Variants in RIF1 observed in about 807,000 individuals in gnomAD.
The protein encoded by RIF1 is replication timing regulatory factor 1.
Under a neutral mutation model 247.1 loss-of-function variants are expected in RIF1, and 45 were observed. The ratio of observed to expected loss-of-function variants is 0.18; its 90% CI spans 0.14 to 0.23. The LOEUF (loss-of-function observed/expected upper bound fraction) is 0.23. Ranked by LOEUF, RIF1 falls within the 10% of genes least tolerant of loss-of-function variation. The probability of loss-of-function intolerance (pLI) is 1.00; values close to 1 mark genes in which losing one functional copy is unlikely to be tolerated. For synonymous variants in RIF1, 1,087 were observed against 978.8 expected (o/e 1.11, Z -2.06); for missense variants, 2,967 against 2,862.5 (o/e 1.04, Z -0.83).
rs377751674 is a variant in RIF1 at position 151,505,478 on chromosome 2, C to T, written c.*862-732C>T. On this transcript the variant is annotated intron_variant and NMD_transcript_variant, in intron 12 of 13. Transcript: ENST00000454583. Reference sequence around the variant, plus strand: ...TGGAAGCTGAGAGTATGGCCACTACCGAGCTAATGTGCTTCTGCGTCTCCT... The same window carrying T: ...TGGAAGCTGAGAGTATGGCCACTACTGAGCTAATGTGCTTCTGCGTCTCCT... 7.4e-6 allele frequency: 12 copies of T among 1,613,046 alleles called. No individual in the cohort carries two copies. Among genetic ancestry groups the T allele is most frequent in the East Asian group, 4.5e-5 (2 of 44,890 alleles).
chr2:151,452,571 A>AT (rs1411151669), intron 21 of RIF1, among the ~76,000 whole-genome samples: 1 of 152,230 alleles, frequency 6.6e-6, no homozygotes, highest in Non-Finnish European at 1.5e-5. Flanking sequence ...CCTGAAGTAT[A>AT]TTATAGGTCA....
At position 151,469,830 on chromosome 2, in the gene RIF1, T is replaced by C; in HGVS notation, c.7061T>C (p.Val2354Ala). The change falls in exon 34 of 36, where the codon GTA becomes GCA. Residue 2354 changes from valine to alanine, a missense_variant. Val to Ala is a moderately conservative substitution (Grantham distance 64, BLOSUM62 0). Transcript: ENST00000444746. ...ATCCGTTCTCCAAAAGTGTCCAATG[T>C]AAAAAAGGCTCTCAGAATATATCAT... ...LPIRSPKVSN[V>A]KKALRIYHEQ... 1 of 1,610,286 alleles carries C rather than the reference T, an allele frequency of 6.2e-7. No individual in the cohort carries two copies. The highest frequency in any genetic ancestry group is 8.5e-7 in the Non-Finnish European group (1 of 1,178,078).
At chr2:151,427,234 C>CA (rs1044726768) in intron 8 of RIF1, among the ~76,000 whole-genome samples, 2 of 150,646 alleles carry the variant, frequency 1.3e-5, no homozygotes, top group African/African-American at 4.9e-5. Flanking sequence ...TTTTTTGAGA[C>CA]AGAGTTTCAC....
intron 4 of RIF1, 146 bp from the exon 5 acceptor site, chr2:151,416,415 T>G: frequency 1.5e-6 from 1 of 684,944 alleles, no homozygotes; most frequent in Non-Finnish European, 2.3e-6. Context: ...GGGAGAAGTT[T>G]GGTATCAGCA....
chr2:151,494,507 A>G (rs528140737), intron 9 of RIF1, among the ~76,000 whole-genome samples: 1 of 152,174 alleles, frequency 6.6e-6, no homozygotes, highest in African/African-American at 2.4e-5. Context: ...AGGATGAGAA[A>G]CCACCATCAT....
chr2:151,458,147 A>T (rs1276483139), intron 24 of RIF1, among the ~76,000 whole-genome samples, 184 bp downstream of exon 24: 3 of 152,076 alleles, frequency 2.0e-5, no homozygotes, highest in Non-Finnish European at 4.4e-5. Context: ...GGTGCTTAGA[A>T]TAATCTTGAT....
At chr2:151,432,160 G>A (rs1690277025) in intron 9 of RIF1, among the ~76,000 whole-genome samples, 1 of 151,976 alleles carries the variant, frequency 6.6e-6, no homozygotes, top group Non-Finnish European at 1.5e-5. Flanking sequence ...AGGAGCCACC[G>A]CCATGCCTAG....
In RIF1 at chr2:151,468,740, A is replaced by G. The variant is rs1252166116; in HGVS notation, c.6925A>G (p.Ile2309Val). The change falls in exon 33 of 36, where the codon ATT becomes GTT. Residue 2309 changes from isoleucine to valine, a missense_variant. Transcript: ENST00000444746. Reference protein sequence around the residue: ...VAPVDIILPQITSNMWARGLG... With the variant: ...VAPVDIILPQVTSNMWARGLG... ...ACCAGTTGACATCATTTTACCTCAG[A>G]TTACATCAAACATGTGGTAAGTGGT... is the stretch of plus-strand genomic sequence containing the variant. 1 of 1,611,360 alleles carries G rather than the reference A, an allele frequency of 6.2e-7. No homozygotes were observed. Among genetic ancestry groups the G allele is most frequent in the Non-Finnish European group, 8.5e-7 (1 of 1,177,476 alleles).
chr2:151,443,427 AAAATT>A, intron 17 of RIF1, 97 bp from the exon 18 acceptor site: 1 of 1,355,936 alleles, frequency 7.4e-7, no homozygotes, highest in African/African-American at 1.5e-5. Context: ...TTTTTTAAAA[AAAATT>A]CGTTAACTTT....
At chr2:151,421,401 C>T (rs975645084) in intron 7 of RIF1, among the ~76,000 whole-genome samples, 4 of 152,034 alleles carry the variant, frequency 2.6e-5, no homozygotes, top group African/African-American at 9.7e-5. Context: ...GGCAAAAGGC[C>T]CTGCTCTAAT....
chr2:151,477,348 A>C lies in RIF1; in HGVS notation c.*2277A>C, dbSNP rs1405946379. ...AAATGTCAGATCATAATAACACTCAAATGTGTCTTAATTGTCTTATGCATA... is the reference window on the plus strand; with the variant it reads ...AAATGTCAGATCATAATAACACTCACATGTGTCTTAATTGTCTTATGCATA... On this transcript the variant is annotated 3_prime_UTR_variant, in exon 36 of 36. Coordinates refer to ENST00000444746, the MANE Select transcript of RIF1 (RefSeq NM_018151.5). 6.6e-6 allele frequency: 1 copy of C among 152,146 alleles called. No individual in the cohort carries two copies. The highest frequency in any genetic ancestry group is 1.5e-5 in the Non-Finnish European group (1 of 68,030). 9.4% of individuals were successfully genotyped at this position (152,146 alleles called of 1,614,324 possible). A position where few individuals can be genotyped will look rare whatever the true frequency, so the allele number is the denominator to read the frequency against.
rs748817850 is a variant in RIF1 at position 151,475,093 on chromosome 2, G to GT, written c.*29dup. ...TTAGTATTTTCAGAGAAAATTGAAG[G>GT]TTTTTTTAAACATCACTGGATTTCT... is the stretch of plus-strand genomic sequence containing the variant. On this transcript the variant is annotated 3_prime_UTR_variant, in exon 36 of 36. Transcript: ENST00000444746. 1.4e-5 allele frequency: 21 copies of GT among 1,532,466 alleles called. No individual in the cohort carries two copies. The highest frequency in any genetic ancestry group is 1.8e-5 in the Non-Finnish European group (20 of 1,108,164). The allele number at this position is 1,532,466 out of a possible 1,614,324, so 94.9% of individuals were successfully genotyped here.
exon 11 of RIF1, chr2:151,499,483 C>T (rs1429445743): frequency 2.2e-5 from 15 of 693,874 alleles, no homozygotes; most frequent in Non-Finnish European, 2.8e-5. Flanking sequence ...AAACTACAGA[C>T]GTCAGACAGA....
At chr2:151,436,389 A>C (rs1318574129) in intron 11 of RIF1, among the ~76,000 whole-genome samples, 1 of 152,036 alleles carries the variant, frequency 6.6e-6, no homozygotes, top group Non-Finnish European at 1.5e-5. Flanking sequence ...AAATTTAAAA[A>C]TTAACTGAGC....
rs368829239 is a variant in RIF1 at position 151,482,024 on chromosome 2, A to G, written c.*6953A>G. 2.0e-5 allele frequency: 3 copies of G among 152,036 alleles called. No homozygotes were observed. Among genetic ancestry groups the G allele is most frequent in the Admixed American group, 6.5e-5 (1 of 15,270 alleles). 9.4% of individuals were successfully genotyped at this position (152,036 alleles called of 1,614,324 possible). A position where few individuals can be genotyped will look rare whatever the true frequency, so the allele number is the denominator to read the frequency against. Reference sequence around the variant, plus strand: ...TATTTCTGGTTCTTTATGACTGTTGAGGGGGGGCAGAATTCTATGTTTGAT... The same window carrying G: ...TATTTCTGGTTCTTTATGACTGTTGGGGGGGGGCAGAATTCTATGTTTGAT... On this transcript the variant is annotated 3_prime_UTR_variant, in exon 36 of 36. Coordinates refer to ENST00000444746, the MANE Select transcript of RIF1 (RefSeq NM_018151.5).
intron 20 of RIF1, among the ~76,000 whole-genome samples, chr2:151,446,844 G>T (rs1272217783): frequency 5.9e-5 from 9 of 151,780 alleles, no homozygotes; most frequent in Admixed American, 4.6e-4. Context: ...CAAGGGCCTT[G>T]CTCTCCTGGA....
At chr2:151,461,024 A>G in intron 26 of RIF1, 114 bp from the exon 27 acceptor site, 1 of 951,792 alleles carries the variant, frequency 1.1e-6, no homozygotes, top group Non-Finnish European at 1.6e-6. Context: ...GAGTATCATC[A>G]ACTTTCATAA....
intron 34 of RIF1, among the ~76,000 whole-genome samples, chr2:151,473,629 T>C (rs924696775): frequency 6.6e-6 from 1 of 152,136 alleles, no homozygotes; most frequent in African/African-American, 2.4e-5. Context: ...TATTTAAGCT[T>C]GGAAATCTCT....
At position 151,492,421 on chromosome 2, in the gene RIF1, C is replaced by T. The variant is rs759522039; in HGVS notation, c.*416-2808C>T. On this transcript the variant is annotated intron_variant and NMD_transcript_variant, in intron 9 of 13. Coordinates refer to the RIF1 transcript ENST00000454583. ...GTGCCGTTGGGTCTCCCTCACCCGT[C>T]TCATCTCGGGGGTATCCAATACATA... 2 of 1,609,998 alleles carry T rather than the reference C, an allele frequency of 1.2e-6. No individual in the cohort carries two copies. The highest frequency in any genetic ancestry group is 1.7e-6 in the Non-Finnish European group (2 of 1,178,242).
Sources: gnomAD v4.1 joint callset for allele counts (sites outside exome capture counted in the v4.1 genomes callset) on GRCh38, gnomAD v4.1.1 for gene constraint, MANE v1.5 for transcripts, NCBI Gene and HGNC (gene_info 2026-07-23, HGNC 2026-07-21) for gene names.